AGMO: variants seen among roughly 807,000 people sequenced by gnomAD.
AGMO encodes glyceryl-ether monooxygenase.
AGMO carries 75 observed loss-of-function variants against 60.2 expected under a neutral mutation model. The observed-to-expected ratio is 1.25, with a 90% confidence interval of 1.03 to 1.51. AGMO has a LOEUF of 1.51. AGMO is among the 40% of genes most tolerant of loss of function. AGMO has a pLI of 0.00. For missense variants in AGMO, 763 were observed against 525.5 expected, an observed-to-expected ratio of 1.45 and a Z score of -4.42; for synonymous variants, 261 against 177.1, an observed-to-expected ratio of 1.47 and a Z score of -3.76.
chr7:15,510,885 T>C (rs1003717787), intron 3 of AGMO, among the ~76,000 whole-genome samples: 1 of 135,982 alleles, frequency 7.4e-6, no homozygotes, highest in Non-Finnish European at 1.7e-5. Flanking sequence ...AAATATAACA[T>C]ATAATATATG....
At chr7:15,352,499 C>A (rs2128554355) in intron 12 of AGMO, among the ~76,000 whole-genome samples, 1 of 149,742 alleles carries the variant, frequency 6.7e-6, no homozygotes, top group South Asian at 2.1e-4. Flanking sequence ...TAATGAGCAG[C>A]TTTTCAGAGG....
intron 12 of AGMO, among the ~76,000 whole-genome samples, chr7:15,277,595 T>C (rs374159999): frequency 1.2e-4 from 19 of 152,258 alleles, no homozygotes; most frequent in African/African-American, 3.6e-4. Flanking sequence ...GCATGTTGGA[T>C]AGGATCTTCT....
In AGMO at chr7:15,561,749, A is replaced by T; in HGVS notation, c.97T>A (p.Leu33Ile). The change falls in exon 1 of 13, where the codon TTA (leucine) becomes ATA (isoleucine). Residue 33 changes from leucine (L) to isoleucine (I), a missense_variant. Physicochemically the swap from Leu to Ile is conservative, Grantham distance 5. Coordinates refer to ENST00000342526, the MANE Select transcript of AGMO (RefSeq NM_001004320.2). ...MKPSETSFQT[L>I]EEVPDYVKKA... The stretch of plus-strand genomic sequence containing the variant: ...TTTACATAATCAGGCACCTCTTCTA[A>T]TGTTTGGAATGAAGTTTCACTGGGT... 3 of 1,611,778 alleles carry T rather than the reference A, an allele frequency of 1.9e-6. No individual in the cohort carries two copies. Among genetic ancestry groups the T allele is most frequent in the Non-Finnish European group, 2.5e-6 (3 of 1,178,550 alleles).
intron 10 of AGMO, among the ~76,000 whole-genome samples, chr7:15,385,086 G>A (rs564107524): frequency 1.3e-5 from 2 of 152,228 alleles, no homozygotes; most frequent in South Asian, 2.1e-4. Flanking sequence ...CTAAGTGAAG[G>A]TAAGTATGTT....
chr7:15,452,329 TA>T (rs1781876605), intron 3 of AGMO, among the ~76,000 whole-genome samples: 1 of 152,080 alleles, frequency 6.6e-6, no homozygotes, highest in Admixed American at 6.5e-5. Flanking sequence ...TGTTTACAAA[TA>T]AAATATCTGA....
rs113710978 is a variant in AGMO, at chr7:15,371,379, C to T, written c.1075-5157G>A. 1.1e-4 allele frequency among the ~76,000 whole-genome samples: 17 copies of T among 151,662 alleles called. 2 individuals carry two copies. Among genetic ancestry groups the T allele is most frequent in the African/African-American group, 3.6e-4 (15 of 41,308 alleles). On this transcript the variant is annotated intron_variant, in intron 10 of 12. Coordinates refer to ENST00000342526, the MANE Select transcript of AGMO (RefSeq NM_001004320.2). ...GGGACTACAGGCACATGCTACCGTG[C>T]GCACAGCTAATTTTTTTTTTTTTTC...
At chr7:15,427,370 C>A (rs1022155862) in intron 4 of AGMO, among the ~76,000 whole-genome samples, 21 of 152,134 alleles carry the variant, frequency 1.4e-4, no homozygotes, top group African/African-American at 5.1e-4. Context: ...TTGCTTTCCC[C>A]TATTGCTAAC....
chr7:15,486,839 C>T (rs759950073), intron 3 of AGMO, among the ~76,000 whole-genome samples: 5 of 152,064 alleles, frequency 3.3e-5, no homozygotes, highest in Non-Finnish European at 5.9e-5. Context: ...AATCATTTTG[C>T]GTTAAGTAGC....
At chr7:15,328,421 G>A (rs1431561368) in intron 12 of AGMO, among the ~76,000 whole-genome samples, 1 of 152,126 alleles carries the variant, frequency 6.6e-6, no homozygotes, top group African/African-American at 2.4e-5. Flanking sequence ...ATGAATAATT[G>A]AGGCTAAGTA....
At chr7:15,454,492 T>C (rs1044089808) in intron 3 of AGMO, among the ~76,000 whole-genome samples, 1 of 152,146 alleles carries the variant, frequency 6.6e-6, no homozygotes, top group Non-Finnish European at 1.5e-5. Context: ...ACATACAACT[T>C]AAATATACAT....
chr7:15,253,299 A>G (rs1020634482), intron 12 of AGMO, among the ~76,000 whole-genome samples: 2 of 152,208 alleles, frequency 1.3e-5, no homozygotes, highest in African/African-American at 4.8e-5. Flanking sequence ...TGGAGATGCT[A>G]ATGTTGGTAC....
intron 3 of AGMO, among the ~76,000 whole-genome samples, chr7:15,522,504 A>T (rs1272123540): frequency 6.6e-6 from 1 of 152,212 alleles, no homozygotes; most frequent in Non-Finnish European, 1.5e-5. Context: ...AAACAGGTAT[A>T]TAGAACAATG....
At chr7:15,290,993 T>TA (rs1784248291) in intron 12 of AGMO, among the ~76,000 whole-genome samples, 4 of 152,142 alleles carry the variant, frequency 2.6e-5, no homozygotes, top group South Asian at 4.1e-4. Flanking sequence ...AGCTCCGTTT[T>TA]TTCGAAAGTG....
At chr7:15,152,614 G>T in the AGMO span, among the ~76,000 whole-genome samples, 6 of 152,066 alleles carry the variant, frequency 3.9e-5, no homozygotes, top group Non-Finnish European at 8.8e-5. Flanking sequence ...TCATTCCCGA[G>T]TTACTTAACT....
At chr7:15,347,536 A>T (rs2128552407) in intron 12 of AGMO, among the ~76,000 whole-genome samples, 1 of 152,114 alleles carries the variant, frequency 6.6e-6, no homozygotes, top group Non-Finnish European at 1.5e-5. Flanking sequence ...GATGTCTTAT[A>T]GCTTAAAATA....
chr7:15,260,413 G>T (rs1486337185), intron 12 of AGMO, among the ~76,000 whole-genome samples: 1 of 151,888 alleles, frequency 6.6e-6, no homozygotes, highest in African/African-American at 2.4e-5. Flanking sequence ...AGTTAAAAAA[G>T]ACAGAGAGGG....
intron 4 of AGMO, among the ~76,000 whole-genome samples, chr7:15,427,697 T>C (rs75794032): frequency 0.018 from 2,432 of 134,256 alleles, 32 homozygotes; most frequent in Non-Finnish European, 0.028. Context: ...CATTATTTTA[T>C]TATTAGCAAA....
the AGMO span, among the ~76,000 whole-genome samples, chr7:15,182,879 G>T: frequency 5.3e-5 from 8 of 152,244 alleles, no homozygotes; most frequent in South Asian, 1.5e-3. Context: ...AATCGTGGTG[G>T]AAGATGAAGG....
chr7:15,150,429 T>C, the AGMO span, among the ~76,000 whole-genome samples: 2 of 152,270 alleles, frequency 1.3e-5, no homozygotes, highest in East Asian at 3.9e-4. Flanking sequence ...AGTATGATGT[T>C]GGCTGTGGTT....
Sources: allele counts gnomAD v4.1 joint callset (sites outside exome capture counted in the v4.1 genomes callset), GRCh38; gene constraint gnomAD v4.1.1; transcripts MANE v1.5; gene names NCBI Gene and HGNC (gene_info 2026-07-23, HGNC 2026-07-21).